Variants in TNRC6A observed in about 807,000 individuals in gnomAD.
TNRC6A encodes trinucleotide repeat-containing gene 6A protein.
TNRC6A carries 44 observed loss-of-function variants against 221.2 expected under a neutral mutation model. The ratio of observed to expected loss-of-function variants is 0.20; its 90% confidence interval spans 0.16 to 0.26. The LOEUF (loss-of-function observed/expected upper bound fraction) is 0.26. Ranked by LOEUF, TNRC6A falls within the 10% of genes least tolerant of loss-of-function variation. The pLI is 1.00. For synonymous variants in TNRC6A, 847 were observed against 838.5 expected (o/e 1.01, Z -0.18); for missense variants, 2,199 against 2,404.4 (o/e 0.91, Z 1.79).
chr16:24,761,745 G>C (rs1026155268), intron 4 of TNRC6A, among the ~76,000 whole-genome samples: 6 of 151,732 alleles, frequency 4.0e-5, no homozygotes, highest in African/African-American at 1.5e-4. Flanking sequence ...TACCCAGGCT[G>C]GTCTCAAACT....
At chr16:24,693,261 C>T (rs2055791391) in intron 2 of TNRC6A, among the ~76,000 whole-genome samples, 1 of 150,764 alleles carries the variant, frequency 6.6e-6, no homozygotes, top group African/African-American at 2.4e-5. Context: ...TCAAGACCAG[C>T]GTAAGCAAAG....
intron 20 of TNRC6A, among the ~76,000 whole-genome samples, chr16:24,817,457 C>G (rs1377301075): frequency 6.6e-6 from 1 of 152,074 alleles, no homozygotes; most frequent in Non-Finnish European, 1.5e-5. Flanking sequence ...GAAGGACTTT[C>G]ATCTGGAAGA....
At chr16:24,773,124 G>A (rs369812717) in intron 4 of TNRC6A, among the ~76,000 whole-genome samples, 2 of 151,684 alleles carry the variant, frequency 1.3e-5, no homozygotes, top group South Asian at 2.1e-4. Flanking sequence ...TACTAATTCC[G>A]TCTTTCTATT....
In TNRC6A at chr16:24,823,558, C is replaced by G. The variant is rs2058812406; in HGVS notation, c.5640C>G (p.Ser1880Arg). 1 of 1,614,076 alleles carries G rather than the reference C, an allele frequency of 6.2e-7. No homozygotes were observed. The highest frequency in any genetic ancestry group is 1.7e-5 in the Admixed American group (1 of 60,004). ...PGWQSLGSSQ[S>R]RLGSLDCSHS... ...GGCAGTCTCTCGGGTCCAGCCAGAG[C>G]CGGCTGGGCTCCCTCGACTGTTCCC... The change falls in exon 25 of 25, where the codon AGC becomes AGG. Residue 1880 changes from serine (S) to arginine (R), a missense_variant. Physicochemically the swap from Ser to Arg is moderately radical, Grantham distance 110 (BLOSUM62 -1). Transcript: ENST00000395799. The surrounding 1 kb of genome is among the most constrained non-coding windows in gnomAD (Gnocchi z 4.3).
At chr16:24,691,898 T>C (rs1277992284) in intron 2 of TNRC6A, among the ~76,000 whole-genome samples, 2 of 152,116 alleles carry the variant, frequency 1.3e-5, no homozygotes, top group Non-Finnish European at 2.9e-5. Flanking sequence ...ACAGCGGCAA[T>C]TAAAGGACCC....
chr16:24,813,414 AAAAGTG>A, intron 18 of TNRC6A, among the ~76,000 whole-genome samples: 1 of 152,360 alleles, frequency 6.6e-6, no homozygotes, highest in South Asian at 2.1e-4. Flanking sequence ...GCTCCTACTT[AAAAGTG>A]AGAACATACA....
rs2058394879 is a variant in TNRC6A at position 24,804,691 on chromosome 16, G to A, written c.3838-14G>A. On this transcript the variant is annotated splice_polypyrimidine_tract_variant and intron_variant, in intron 12 of 24. Coordinates refer to ENST00000395799, the MANE Select transcript of TNRC6A (RefSeq NM_014494.4). ...CTTGGCTGGTGTTGCACATCTTTCT[G>A]TCTGTCCAATCAGGATGGCATTGTA... 1.3e-6 allele frequency: 2 copies of A among 1,565,364 alleles called. No homozygotes were observed. The highest frequency in any genetic ancestry group is 1.2e-5 in the South Asian group (1 of 82,358).
rs1778452188 is a variant in TNRC6A, at chr16:24,777,129, G to GCAGCCA, written c.365_370dup (p.Pro122_Gln123dup). Reference sequence around the variant, plus strand: ...AGCCACAGCCGCAGCCGCAGCAGCAGCAGCCACAGCAGCAGCCACAGGCCT... The same window carrying GCAGCCA: ...AGCCACAGCCGCAGCCGCAGCAGCAGCAGCCACAGCCACAGCAGCAGCCACAGGCCT... On this transcript the variant is annotated inframe_insertion, in exon 5 of 25. Transcript: ENST00000395799. 3 of 1,611,972 alleles carry GCAGCCA rather than the reference G, an allele frequency of 1.9e-6. No individual in the cohort carries two copies. The highest frequency in any genetic ancestry group is 2.5e-6 in the Non-Finnish European group (3 of 1,179,266).
In TNRC6A at chr16:24,804,222, ATAT is replaced by A. The variant is rs1567502761; in HGVS notation, c.3742_3744del (p.Ile1248del). On this transcript the variant is annotated inframe_deletion, in exon 12 of 25. Transcript: ENST00000395799. ...ATGGAGATAGATAAACATAGCCTAA[ATAT>A]TGGTGATTACAATCGAACGGTCGGG... 6.2e-7 allele frequency: 1 copy of A among 1,613,556 alleles called. No homozygotes were observed. Among genetic ancestry groups the A allele is most frequent in the Non-Finnish European group, 8.5e-7 (1 of 1,179,906 alleles).
Position 24,763,370 on chromosome 16 carries a change from A to G in TNRC6A, c.163+5010A>G, listed in dbSNP as rs566311355. 3.3e-5 allele frequency among the ~76,000 whole-genome samples: 5 copies of G among 152,290 alleles called. No individual in the cohort carries two copies. The East Asian group carries it at 9.6e-4, about 29-fold the overall frequency. On this transcript the variant is annotated intron_variant, in intron 4 of 24. Transcript: ENST00000395799. ...AAATCCTTTTCCAGTATGCCTGTTG[A>G]CCAGTACATTTGTTAAAATCATAGC...
rs553153415 is a variant in TNRC6A at position 24,652,439 on chromosome 16, A to T, written n.402+11430A>T. Among the ~76,000 whole-genome samples, 7 of 152,308 alleles carry T rather than the reference A, an allele frequency of 4.6e-5. No homozygotes were observed. In the East Asian group the frequency reaches 1.3e-3, roughly 29 times the overall value. On this transcript the variant is annotated intron_variant and non_coding_transcript_variant, in intron 2 of 2. Transcript: ENST00000566108. The stretch of plus-strand genomic sequence containing the variant: ...AAATGCTAGTAATCAAAACTAATTT[A>T]TGAGGCTTTTCTCCACCAGTGTTTT...
chr16:24,640,266 G>A (rs1386458248), intron 1 of TNRC6A, among the ~76,000 whole-genome samples: 1 of 152,020 alleles, frequency 6.6e-6, no homozygotes, highest in African/African-American at 2.4e-5. Flanking sequence ...TGGGCATGGT[G>A]GTGTGCACTT....
intron 2 of TNRC6A, among the ~76,000 whole-genome samples, chr16:24,669,959 T>TTTTTTTTTTTTTTTTTTTTTTTTTTTTTC (rs2055259374): frequency 8.9e-6 from 1 of 112,788 alleles, no homozygotes; most frequent in Non-Finnish European, 1.9e-5. Flanking sequence ...TTTTTTTTTT[T>TTTTTTTTTTTTTTTTTTTTTTTTTTTTTC]TTTTTTTTTA....
chr16:24,700,210 G>A (rs924374645), intron 2 of TNRC6A, among the ~76,000 whole-genome samples: 2 of 151,994 alleles, frequency 1.3e-5, no homozygotes, highest in African/African-American at 4.8e-5. Context: ...ACCAGCCTGG[G>A]CAACATAGTG....
Position 24,694,501 on chromosome 16 carries a change from A to G in TNRC6A, n.402+53492A>G, listed in dbSNP as rs571315149. ...AAACCCTGTCTCTACTAAAAGTACA[A>G]AAAATTAGCTGGGTGTGGCAGCTTG... On this transcript the variant is annotated intron_variant and non_coding_transcript_variant, in intron 2 of 2. Transcript: ENST00000566108. Among the ~76,000 whole-genome samples the G allele has an allele frequency of 7.2e-5, 11 of 152,072 alleles. 1 individual carries two copies. In the South Asian group the frequency reaches 1.9e-3, roughly 26 times the overall value.
chr16:24,732,425 A>G (rs1449970321), intron 2 of TNRC6A, among the ~76,000 whole-genome samples: 3 of 152,194 alleles, frequency 2.0e-5, no homozygotes, highest in African/African-American at 2.4e-5. Flanking sequence ...ATTGCTTACT[A>G]TGTGCCTGGC....
At position 24,795,918 on chromosome 16, in the gene TNRC6A, C is replaced by CA; in HGVS notation, c.3547dup (p.Arg1183LysfsTer24). ...GTCTTTCCTTACAGGGTCTGAGTGGCAAAAAAAGGAGAAGGGAAAGGGTGT... is the reference window on the plus strand; with the variant it reads ...GTCTTTCCTTACAGGGTCTGAGTGGCAAAAAAAAGGAGAAGGGAAAGGGTGT... On this transcript the variant is annotated frameshift_variant, in exon 9 of 25. Transcript: ENST00000395799. LOFTEE classifies it high-confidence loss of function. The CA allele has an allele frequency of 6.2e-7, 1 of 1,606,764 alleles. No individual in the cohort carries two copies. Among genetic ancestry groups the CA allele is most frequent in the Non-Finnish European group, 8.5e-7 (1 of 1,175,078 alleles).
intron 15 of TNRC6A, among the ~76,000 whole-genome samples, chr16:24,805,974 A>T (rs1015756232): frequency 1.3e-5 from 2 of 152,208 alleles, no homozygotes; most frequent in Admixed American, 1.3e-4. Flanking sequence ...TAGTAGGATG[A>T]TTAGGAAAAG....
In TNRC6A at chr16:24,804,839, T is replaced by C. The variant is rs2058397791; in HGVS notation, c.3972T>C (p.Asn1324=). ...SIAGLGMQNL[N]SVRQNGNPSM... is the part of the protein sequence containing the mutation. The stretch of plus-strand genomic sequence containing the variant: ...CAGGGCTGGGTATGCAAAACTTGAA[T>C]TCTGTTAGACAGGTAAGTCCAGATG... The change falls in exon 13 of 25, where the codon AAT becomes AAC. Residue 1324 remains asparagine (N), a synonymous_variant. Coordinates refer to ENST00000395799, the MANE Select transcript of TNRC6A (RefSeq NM_014494.4). The C allele has an allele frequency of 6.2e-7, 1 of 1,612,836 alleles. No homozygotes were observed. The highest frequency in any genetic ancestry group is 8.5e-7 in the Non-Finnish European group (1 of 1,179,754).
Sources: allele counts gnomAD v4.1 joint callset (sites outside exome capture counted in the v4.1 genomes callset), GRCh38; gene constraint gnomAD v4.1.1; non-coding constraint Gnocchi (gnomAD v3.1); transcripts MANE v1.5; gene names NCBI Gene and HGNC (gene_info 2026-07-23, HGNC 2026-07-21).